The following FLT3 variants were observed in gnomAD, a reference collection of about 807,000 sequenced individuals.
The protein encoded by FLT3 is receptor-type tyrosine-protein kinase FLT3.
A neutral mutation model predicts 126.6 loss-of-function variants in FLT3; 46 were observed. The observed-to-expected ratio is 0.36, with a 90% CI of 0.29 to 0.46. The LOEUF is 0.46. FLT3 is among the 20% of genes least tolerant of loss of function. FLT3 has a pLI of 1.00. For missense variants in FLT3, 1,069 were observed against 1,190.3 expected, an observed-to-expected ratio of 0.90 and a Z score of 1.50; for synonymous variants, 404 against 434.4, an observed-to-expected ratio of 0.93 and a Z score of 0.87.
At chr13:28,012,808 G>A (rs975690016) in intron 23 of FLT3, among the ~76,000 whole-genome samples, 2 of 151,950 alleles carry the variant, frequency 1.3e-5, no homozygotes, top group East Asian at 1.9e-4. Flanking sequence ...CCGGTGGTGT[G>A]TGCCTGTGGT....
At chr13:28,078,524 G>T (rs1231866079) in intron 1 of FLT3, among the ~76,000 whole-genome samples, 1 of 152,094 alleles carries the variant, frequency 6.6e-6, no homozygotes, top group Non-Finnish European at 1.5e-5. Context: ...GGGGATCCTG[G>T]GCTCAGCCCA....
Position 28,100,489 on chromosome 13 carries a change from C to A in FLT3, c.22G>T (p.Gly8Cys). The part of the protein sequence containing the change: MPALARD[G>C]GQLPLLVVFS... ...TTACCGAGCAGCGGCAGCTGGCCGC[C>A]GTCGCGCGCCAACGCCGGCATGGCC... The change falls in exon 1 of 24, where the codon GGC (glycine) becomes TGC (cysteine). Residue 8 changes from glycine (G) to cysteine (C), a missense_variant. Coordinates refer to ENST00000241453, the MANE Select transcript of FLT3 (RefSeq NM_004119.3). The surrounding 1 kb of genome is among the most constrained non-coding windows in gnomAD (Gnocchi z 4.8). 2 of 1,216,988 alleles carry A rather than the reference C, an allele frequency of 1.6e-6. No homozygotes were observed. The highest frequency in any genetic ancestry group is 2.0e-6 in the Non-Finnish European group (2 of 978,498). 75.4% of individuals were successfully genotyped at this position (1,216,988 alleles called of 1,614,324 possible). A position where few individuals can be genotyped will look rare whatever the true frequency, so the allele number is the denominator to read the frequency against.
At chr13:28,057,576 A>C in intron 3 of FLT3, 114 bp from the exon 4 acceptor site, 1 of 651,634 alleles carries the variant, frequency 1.5e-6, no homozygotes, top group Non-Finnish European at 2.8e-6. Flanking sequence ...ACTGGCACGG[A>C]AGCCGCTCTG....
intron 1 of FLT3, among the ~76,000 whole-genome samples, chr13:28,089,772 T>C (rs4771221): frequency 0.17 from 25,141 of 150,630 alleles, 2,349 homozygotes; most frequent in Middle Eastern, 0.26. Context: ...TCTTGCTGTG[T>C]TGCCCAGGCT....
At chr13:28,063,852 T>G (rs1357524472) in intron 2 of FLT3, among the ~76,000 whole-genome samples, 1 of 152,010 alleles carries the variant, frequency 6.6e-6, no homozygotes, top group African/African-American at 2.4e-5. Context: ...TACTTTGAAA[T>G]GTAAATTGTA....
At position 28,062,011 on chromosome 13, in the gene FLT3, A is replaced by T; in HGVS notation, c.224T>A (p.Val75Glu). 6.2e-7 allele frequency: 1 copy of T among 1,613,214 alleles called. No individual in the cohort carries two copies. The highest frequency in any genetic ancestry group is 8.5e-7 in the Non-Finnish European group (1 of 1,179,996). The change falls in exon 3 of 24, where the codon GTG becomes GAG. Residue 75 changes from valine to glutamate, a missense_variant. Transcript: ENST00000241453. ...CALRPQSSGTVYEAAAVEVDV... is the reference protein window; with the variant it reads ...CALRPQSSGTEYEAAAVEVDV... ...CACTTCCACAGCGGCAGCTTCGTAC[A>T]CTGTCCCTGAGCTCTGGGGTCTCAA...
At chr13:28,029,943 GC>G (rs1223716056) in intron 15 of FLT3, among the ~76,000 whole-genome samples, 1 of 152,204 alleles carries the variant, frequency 6.6e-6, no homozygotes, top group Non-Finnish European at 1.5e-5. Context: ...CGGCTCATGT[GC>G]AGTTGGTCAG....
chr13:28,023,488 G>A lies in FLT3; in HGVS notation c.2291-11C>T, dbSNP rs895168073. 2 of 1,611,938 alleles carry A rather than the reference G, an allele frequency of 1.2e-6. No individual in the cohort carries two copies. Among genetic ancestry groups the A allele is most frequent in the Admixed American group, 3.4e-5 (2 of 59,348 alleles). ...CATATTCAATTTCATCTGTAAAATA[G>A]AGCCAGTCTTCACTTTTGCCAAAAC... On this transcript the variant is annotated splice_polypyrimidine_tract_variant and intron_variant, in intron 18 of 23. Transcript: ENST00000241453.
intron 1 of FLT3, among the ~76,000 whole-genome samples, chr13:28,070,937 T>C (rs1877446725): frequency 1.3e-5 from 2 of 151,090 alleles, no homozygotes; most frequent in African/African-American, 2.4e-5. Context: ...ATTATTTGTA[T>C]ACATGATTTG....
chr13:28,024,936 C>G lies in FLT3; in HGVS notation c.2215G>C (p.Gly739Arg). The G allele has an allele frequency of 6.2e-7, 1 of 1,605,444 alleles. No homozygotes were observed. The highest frequency in any genetic ancestry group is 8.5e-7 in the Non-Finnish European group (1 of 1,175,838). Reference sequence around the variant, plus strand: ...GGGTGTATCTGAACTTCTCTTGAACCAGGCATGCTATTAAAAAATTTTGTT... The same window carrying G: ...GGGTGTATCTGAACTTCTCTTGAACGAGGCATGCTATTAAAAAATTTTGTT... ...FQSHPNSSMP[G>R]SREVQIHPDS... is the part of the protein sequence containing the mutation. The change falls in exon 18 of 24, where the codon GGT becomes CGT. Residue 739 changes from glycine (G) to arginine (R), a missense_variant. By Grantham distance (125) the Gly-to-Arg change is moderately radical (BLOSUM62 -2). Transcript: ENST00000241453.
chr13:28,069,010 G>C (rs1162250826), intron 2 of FLT3, among the ~76,000 whole-genome samples: 2 of 150,144 alleles, frequency 1.3e-5, no homozygotes, highest in Non-Finnish European at 2.9e-5. Flanking sequence ...CAGCGTAAAA[G>C]AGAGGAGTCA....
intron 23 of FLT3, among the ~76,000 whole-genome samples, chr13:28,011,595 A>C (rs990814839): frequency 6.7e-6 from 1 of 149,930 alleles, no homozygotes; most frequent in African/African-American, 2.4e-5. Flanking sequence ...AGACTGAGGC[A>C]GGCTGCATGA....
chr13:28,029,526 C>A (rs1192379125), intron 15 of FLT3, among the ~76,000 whole-genome samples: 1 of 152,146 alleles, frequency 6.6e-6, no homozygotes, highest in South Asian at 2.1e-4. Context: ...AACAAACAAA[C>A]AAAATAATAA....
chr13:28,032,959 G>C (rs1318592471), intron 15 of FLT3, among the ~76,000 whole-genome samples: 1 of 152,168 alleles, frequency 6.6e-6, no homozygotes, highest in Non-Finnish European at 1.5e-5. Context: ...GGTGAGGCCA[G>C]CAATGGGGCT....
chr13:28,025,309 A>T lies in FLT3; in HGVS notation c.2208-366T>A, dbSNP rs1872709136. 3 of 417,034 alleles carry T rather than the reference A, an allele frequency of 7.2e-6. No individual in the cohort carries two copies. In the Admixed American group the frequency reaches 1.0e-4, roughly 14 times the overall value. 25.8% of individuals were successfully genotyped at this position (417,034 alleles called of 1,614,324 possible). A position where few individuals can be genotyped will look rare whatever the true frequency, so the allele number is the denominator to read the frequency against. On this transcript the variant is annotated intron_variant, in intron 17 of 23. Coordinates refer to ENST00000241453, the MANE Select transcript of FLT3 (RefSeq NM_004119.3). ...ATCGATCTCATTCTTTGGTTTCTGAACTCAGCCCACTTTCCCTCACATAAT... is the reference window on the plus strand; with the variant it reads ...ATCGATCTCATTCTTTGGTTTCTGATCTCAGCCCACTTTCCCTCACATAAT...
intron 10 of FLT3, among the ~76,000 whole-genome samples, chr13:28,036,529 G>A (rs1408091275): frequency 1.3e-5 from 2 of 152,188 alleles, no homozygotes; most frequent in Non-Finnish European, 2.9e-5. Context: ...CCAAAGAAAT[G>A]AAAATTATTA....
intron 19 of FLT3, among the ~76,000 whole-genome samples, chr13:28,020,421 T>G (rs928033960): frequency 6.6e-6 from 1 of 152,216 alleles, no homozygotes; most frequent in African/African-American, 2.4e-5. Flanking sequence ...CAATCTCTGC[T>G]CACTGCAACC....
At chr13:28,023,508 C>A in intron 18 of FLT3, 31 bp from the exon 19 acceptor site, 1 of 1,610,236 alleles carries the variant, frequency 6.2e-7, no homozygotes, top group Admixed American at 1.7e-5. Flanking sequence ...TCACTTTTGC[C>A]AAAACTCTAA....
At chr13:28,019,709 T>G (rs1872208385) in intron 19 of FLT3, among the ~76,000 whole-genome samples, 1 of 152,156 alleles carries the variant, frequency 6.6e-6, no homozygotes, top group Non-Finnish European at 1.5e-5. Context: ...ACTGACTGGC[T>G]TGGCACCCAC....
Sources: allele counts gnomAD v4.1 joint callset (sites outside exome capture counted in the v4.1 genomes callset), GRCh38; gene constraint gnomAD v4.1.1; non-coding constraint Gnocchi (gnomAD v3.1); transcripts MANE v1.5; gene names NCBI Gene and HGNC (gene_info 2026-07-23, HGNC 2026-07-21).